LRBA: variants seen among roughly 807,000 people sequenced by gnomAD.
LRBA encodes lipopolysaccharide-responsive and beige-like anchor protein.
Under a neutral mutation model 330.0 loss-of-function variants are expected in LRBA, and 176 were observed. The ratio of observed to expected loss-of-function variants is 0.53; its 90% CI spans 0.47 to 0.60. LRBA has a LOEUF of 0.60. Among genes scored for constraint, LRBA ranks in the 20% least tolerant of loss-of-function variants. The probability of loss-of-function intolerance (pLI) is 0.00; values close to 1 mark genes in which losing one functional copy is unlikely to be tolerated. For missense variants in LRBA, 3,259 were observed against 3,444.8 expected (o/e 0.95, Z 1.35); for synonymous variants, 1,230 against 1,193.0 (o/e 1.03, Z -0.64).
intron 40 of LRBA, among the ~76,000 whole-genome samples, chr4:150,543,892 C>A (rs1765573871): frequency 6.6e-6 from 1 of 152,068 alleles, no homozygotes; most frequent in East Asian, 1.9e-4. Flanking sequence ...TTAATATGTA[C>A]ATGTTATGAC....
intron 17 of LRBA, among the ~76,000 whole-genome samples, chr4:150,890,072 A>G (rs1394319613): frequency 6.6e-6 from 1 of 152,234 alleles, no homozygotes; most frequent in African/African-American, 2.4e-5. Flanking sequence ...TACTAGAAGT[A>G]AGTAAACAAG....
intron 47 of LRBA, among the ~76,000 whole-genome samples, chr4:150,363,003 T>A (rs1467341866): frequency 6.6e-6 from 1 of 151,900 alleles, no homozygotes; most frequent in Non-Finnish European, 1.5e-5. Context: ...CATGGTAGAG[T>A]GCTTGTAGTC....
chr4:150,489,305 T>TATAAGAATATATAAAATATATTAC (rs1561250675), intron 41 of LRBA, among the ~76,000 whole-genome samples: 7 of 62,374 alleles, frequency 1.1e-4, no homozygotes, highest in South Asian at 6.3e-4. Context: ...TAATATATTA[T>TATAAGAATATATAAAATATATTAC]ATATAAGAAT....
intron 13 of LRBA, among the ~76,000 whole-genome samples, chr4:150,904,815 T>C (rs1731147580): frequency 6.6e-6 from 1 of 152,026 alleles, no homozygotes; most frequent in African/African-American, 2.4e-5. Flanking sequence ...CTCTTTAACA[T>C]TTGAAAAGAC....
chr4:150,828,407 G>C lies in LRBA; in HGVS notation c.4944C>G (p.Val1648=), dbSNP rs760693905. The stretch of plus-strand genomic sequence containing the variant: ...CATTTTTGGTTTCCGGAGACTTATT[G>C]ACTTCTAAAGAAAGAGTAGATAGCA... ...SEVLSTLSLE[V]NKSPETKNDR... is the part of the protein sequence containing the mutation. Residue 1648 remains valine (V), a synonymous_variant, in exon 30 of 57, where the codon GTC becomes GTG. Coordinates refer to ENST00000651943, the MANE Select transcript of LRBA (RefSeq NM_001364905.1). 3 of 1,614,082 alleles carry C rather than the reference G, an allele frequency of 1.9e-6. No individual in the cohort carries two copies. The Admixed American group carries it at 5.0e-5, about 27-fold the overall frequency.
At chr4:150,589,010 A>T (rs1470224510) in intron 39 of LRBA, among the ~76,000 whole-genome samples, 1 of 151,326 alleles carries the variant, frequency 6.6e-6, no homozygotes, top group African/African-American at 2.4e-5. Context: ...AAAATGTTAC[A>T]TATATATGTC....
intron 35 of LRBA, among the ~76,000 whole-genome samples, chr4:150,760,114 G>A (rs574235776): frequency 7.2e-5 from 11 of 152,136 alleles, no homozygotes; most frequent in East Asian, 5.8e-4. Flanking sequence ...GTATTTAATC[G>A]ACAGCTCCAG....
At chr4:150,889,573 A>G (rs1344853911) in intron 17 of LRBA, among the ~76,000 whole-genome samples, 1 of 152,214 alleles carries the variant, frequency 6.6e-6, no homozygotes, top group Admixed American at 6.5e-5. Context: ...TCATAGGAGT[A>G]GAACCCTATT....
At chr4:150,517,252 C>T (rs1044171229) in intron 40 of LRBA, among the ~76,000 whole-genome samples, 1 of 152,036 alleles carries the variant, frequency 6.6e-6, no homozygotes, top group Non-Finnish European at 1.5e-5. Flanking sequence ...CCAGGCACAG[C>T]GGCTCACACT....
chr4:150,445,361 C>CTG (rs1388570591), intron 44 of LRBA, among the ~76,000 whole-genome samples: 8 of 80,338 alleles, frequency 1.0e-4, no homozygotes, highest in East Asian at 3.6e-4. Flanking sequence ...CTCTCTCTCT[C>CTG]TCTCTCTCTC....
At chr4:150,420,007 C>G (rs1019311266) in intron 46 of LRBA, among the ~76,000 whole-genome samples, 4 of 150,574 alleles carry the variant, frequency 2.7e-5, no homozygotes, top group Non-Finnish European at 5.9e-5. Flanking sequence ...GAGGCCGAGG[C>G]AGAAGGATGG....
intron 37 of LRBA, among the ~76,000 whole-genome samples, chr4:150,625,067 A>C (rs1445998525): frequency 2.0e-5 from 3 of 152,244 alleles, no homozygotes; most frequent in African/African-American, 7.2e-5. Flanking sequence ...AATGTATGTT[A>C]ATACTTTAGA....
chr4:150,577,776 G>A (rs1204478899), intron 40 of LRBA, among the ~76,000 whole-genome samples: 2 of 152,052 alleles, frequency 1.3e-5, no homozygotes, highest in Non-Finnish European at 2.9e-5. Context: ...AGTAACAAAT[G>A]CACTGACGTT....
intron 35 of LRBA, among the ~76,000 whole-genome samples, chr4:150,753,338 G>A (rs925493764): frequency 3.3e-5 from 5 of 152,172 alleles, no homozygotes; most frequent in Admixed American, 1.3e-4. Flanking sequence ...GGACCAGCAC[G>A]TGGCCAGTAT....
chr4:150,676,096 G>A (rs1782532454), intron 37 of LRBA, among the ~76,000 whole-genome samples: 3 of 152,086 alleles, frequency 2.0e-5, no homozygotes, highest in Non-Finnish European at 2.9e-5. Flanking sequence ...TATAATGAAT[G>A]TATATGAAAA....
chr4:151,013,620 T>C (rs1194869450), intron 2 of LRBA: 1 of 152,174 alleles, frequency 6.6e-6, no homozygotes, highest in Non-Finnish European at 1.5e-5. Context: ...CAACTACTCA[T>C]AAGACTGAAG....
At chr4:150,408,348 A>G (rs182818938) in intron 47 of LRBA, among the ~76,000 whole-genome samples, 5 of 152,286 alleles carry the variant, frequency 3.3e-5, no homozygotes, top group African/African-American at 4.8e-5. Context: ...AAAATTTAAA[A>G]AAAATCTTGA....
intron 37 of LRBA, among the ~76,000 whole-genome samples, chr4:150,605,470 T>C (rs987016511): frequency 6.6e-6 from 1 of 152,168 alleles, no homozygotes; most frequent in South Asian, 2.1e-4. Context: ...CCTAGAACAT[T>C]TTAGCACTTC....
rs1367586463 is a variant in LRBA at position 150,871,469 on chromosome 4, AAG to A, written c.2259-18_2259-17del. The A allele has an allele frequency of 6.8e-6, 10 of 1,470,164 alleles. No individual in the cohort carries two copies. The Admixed American group carries it at 8.4e-5, about 12-fold the overall frequency. The allele number at this position is 1,470,164 out of a possible 1,614,324, so 91.1% of individuals were successfully genotyped here. A position where few individuals can be genotyped will look rare whatever the true frequency, so the allele number is the denominator to read the frequency against. On this transcript the variant is annotated splice_polypyrimidine_tract_variant and intron_variant, in intron 18 of 56. Transcript: ENST00000651943. Reference sequence around the variant, plus strand: ...TGCTTTCCTCCTGCAATTACACAAAAAGAAATCATCAAATGTAGAGCTTTTCT... The same window carrying A: ...TGCTTTCCTCCTGCAATTACACAAAAAAATCATCAAATGTAGAGCTTTTCT...
Sources: gnomAD v4.1 joint callset for allele counts (sites outside exome capture counted in the v4.1 genomes callset) on GRCh38, gnomAD v4.1.1 for gene constraint, MANE v1.5 for transcripts, NCBI Gene and HGNC (gene_info 2026-07-23, HGNC 2026-07-21) for gene names.